PRTG: variants seen among roughly 807,000 people sequenced by gnomAD.
PRTG encodes the protein protogenin.
In PRTG, 67 loss-of-function variants were observed where a neutral mutation model predicts 122.5. The observed-to-expected ratio is 0.55, with a 90% CI of 0.45 to 0.67. PRTG has a LOEUF of 0.67. Among genes scored for constraint, PRTG ranks in the 30% least tolerant of loss-of-function variants. PRTG has a pLI of 0.00. For missense variants in PRTG, 1,435 were observed against 1,415.4 expected (o/e 1.01, Z -0.22); for synonymous variants, 554 against 501.1 (o/e 1.11, Z -1.41).
rs757039143 is a variant in PRTG at position 55,673,595 on chromosome 15, T to C, written c.1628A>G (p.Lys543Arg). ...ILISWLPIPA[K>R]YRRGQVVLYR... ...CAGCACCACTTGGCCCCGCCGATAT[T>C]TGGCTGGGATTGGCAGCCAGGAGAT... is the stretch of plus-strand genomic sequence containing the variant. The change falls in exon 10 of 20, where the codon AAA becomes AGA. Residue 543 changes from lysine (K) to arginine (R), a missense_variant. Physicochemically the swap from Lys to Arg is conservative, Grantham distance 26 (BLOSUM62 2). Coordinates refer to ENST00000389286, the MANE Select transcript of PRTG (RefSeq NM_173814.6). The C allele has an allele frequency of 1.2e-6, 2 of 1,614,076 alleles. No homozygotes were observed. The highest frequency in any genetic ancestry group is 8.5e-7 in the Non-Finnish European group (1 of 1,180,042).
chr15:55,656,346 A>T, intron 11 of PRTG: 1 of 455,888 alleles, frequency 2.2e-6, no homozygotes, highest in South Asian at 1.6e-5. Flanking sequence ...TTTCATTATT[A>T]GATTCGGGCT....
rs572278926 is a variant in PRTG at position 55,643,653 on chromosome 15, C to A, written c.2042-2445G>T. On this transcript the variant is annotated intron_variant, in intron 11 of 19. Transcript: ENST00000389286. ...TGCCCAGGCTGGTGTCCAACTCCTG[C>A]ACTCAAGCTATCTGCCCGCCTTGGC... is the stretch of plus-strand genomic sequence containing the variant. Among the ~76,000 whole-genome samples, 10 of 151,854 alleles carry A rather than the reference C, an allele frequency of 6.6e-5. 1 individual carries two copies. The highest frequency in any genetic ancestry group is 2.2e-4 in the African/African-American group (9 of 41,394).
chr15:55,683,829 G>A lies in PRTG; in HGVS notation c.500C>T (p.Thr167Ile), dbSNP rs764120351. 6.2e-7 allele frequency: 1 copy of A among 1,613,908 alleles called. No homozygotes were observed. ...TAGAGTTGTCCGATTGAACTCCCAT[G>A]TTATGACTGCAGGAGGGTGGGATGA... ...KISSHPPAVI[T>I]WEFNRTTLPM... is the part of the protein sequence containing the mutation. Residue 167 changes from threonine (T) to isoleucine (I), a missense_variant, in exon 3 of 20, where the codon ACA (threonine) becomes ATA (isoleucine). Thr to Ile is a moderately conservative substitution (Grantham distance 89). Coordinates refer to ENST00000389286, the MANE Select transcript of PRTG (RefSeq NM_173814.6).
intron 2 of PRTG, among the ~76,000 whole-genome samples, chr15:55,718,765 CAG>C (rs1239576287): frequency 6.6e-6 from 1 of 151,144 alleles, no homozygotes; most frequent in South Asian, 2.1e-4. Flanking sequence ...TTTTTGGAGA[CAG>C]AGTCTTTCTC....
intron 18 of PRTG, among the ~76,000 whole-genome samples, chr15:55,621,850 T>C (rs113566555): frequency 3.9e-5 from 6 of 152,208 alleles, no homozygotes; most frequent in Non-Finnish European, 8.8e-5. Flanking sequence ...AAAAAGTATA[T>C]AAAGATACAA....
At position 55,735,061 on chromosome 15, in the gene PRTG, AT is replaced by A. The variant is rs1193002825; in HGVS notation, c.397+5320del. Reference sequence around the variant, plus strand: ...CTTATTTACCAAGATTAAAATGATGATTTTTTTAAAGATTTAATGAAGAGTC... The same window carrying A: ...CTTATTTACCAAGATTAAAATGATGATTTTTTAAAGATTTAATGAAGAGTC... On this transcript the variant is annotated intron_variant, in intron 2 of 19. Transcript: ENST00000389286. Among the ~76,000 whole-genome samples the A allele has an allele frequency of 7.2e-5, 11 of 152,306 alleles. 1 individual carries two copies. Among genetic ancestry groups the A allele is most frequent in the African/African-American group, 2.6e-4 (11 of 41,572 alleles).
In PRTG at chr15:55,638,631, T is replaced by C. The variant is rs748450462; in HGVS notation, c.2370A>G (p.Lys790=). The C allele has an allele frequency of 2.7e-5, 44 of 1,613,486 alleles. No individual in the cohort carries two copies. The highest frequency in any genetic ancestry group is 1.0e-5 in the Non-Finnish European group (12 of 1,179,630). ...CATGTAATCGAACGGCAAATTCGTA[T>C]TTGGTGTTTGGTTCTAGACCTTGAA... The part of the protein sequence containing the change: ...MLVQGLEPNT[K]YEFAVRLHVD... The change falls in exon 14 of 20, where the codon AAA becomes AAG. Residue 790 remains lysine (K), a synonymous_variant. Coordinates refer to ENST00000389286, the MANE Select transcript of PRTG (RefSeq NM_173814.6).
Position 55,638,538 on chromosome 15 carries a change from G to A in PRTG, c.2452+11C>T. 2 of 1,590,128 alleles carry A rather than the reference G, an allele frequency of 1.3e-6. No individual in the cohort carries two copies. Among genetic ancestry groups the A allele is most frequent in the Middle Eastern group, 3.4e-4 (2 of 5,960 alleles). On this transcript the variant is annotated intron_variant, in intron 14 of 19. Transcript: ENST00000389286. Reference sequence around the variant, plus strand: ...TTAAAGATAAAATCTATAGGGAGCTGTTTTCTTTACCTTCTGGAAGAGTAG... The same window carrying A: ...TTAAAGATAAAATCTATAGGGAGCTATTTTCTTTACCTTCTGGAAGAGTAG...
chr15:55,659,738 G>A (rs1443765923), intron 11 of PRTG, among the ~76,000 whole-genome samples: 2 of 151,728 alleles, frequency 1.3e-5, no homozygotes, highest in South Asian at 2.1e-4. Flanking sequence ...TGGGCAACAC[G>A]GTGAAACCCC....
At chr15:55,737,054 G>C (rs897966992) in intron 2 of PRTG, among the ~76,000 whole-genome samples, 3 of 152,102 alleles carry the variant, frequency 2.0e-5, no homozygotes, top group Non-Finnish European at 2.9e-5. Context: ...GAAAAGTCAA[G>C]ATAACCATAG....
At chr15:55,721,845 T>C (rs1388559523) in intron 2 of PRTG, among the ~76,000 whole-genome samples, 1 of 152,050 alleles carries the variant, frequency 6.6e-6, no homozygotes, top group African/African-American at 2.4e-5. Flanking sequence ...TATAAAACCA[T>C]CAGATCTCCT....
At chr15:55,736,611 T>C (rs2031420701) in intron 2 of PRTG, among the ~76,000 whole-genome samples, 1 of 152,046 alleles carries the variant, frequency 6.6e-6, no homozygotes, top group African/African-American at 2.4e-5. Flanking sequence ...CTACTACTAC[T>C]TAAAAAGTTA....
intron 2 of PRTG, among the ~76,000 whole-genome samples, chr15:55,736,974 T>C (rs1325564419): frequency 1.3e-5 from 2 of 152,212 alleles, no homozygotes; most frequent in South Asian, 2.1e-4. Flanking sequence ...TGTTGAAACG[T>C]GAGACCATTT....
Position 55,612,697 on chromosome 15 carries a change from A to ATATAT in PRTG, c.*7314_*7315insATATA, listed in dbSNP as rs2059125551. ...TTCTCTCTTTAACTCTTTAAAAGCCAATATATATATATATATATATATATA... is the reference window on the plus strand; with the variant it reads ...TTCTCTCTTTAACTCTTTAAAAGCCATATATATATATATATATATATATATATATA... On this transcript the variant is annotated 3_prime_UTR_variant, in exon 20 of 20. Transcript: ENST00000389286. 5.0e-5 allele frequency: 6 copies of ATATAT among 120,756 alleles called. No homozygotes were observed. The highest frequency in any genetic ancestry group is 2.8e-4 in the African/African-American group (6 of 21,396). The allele number at this position is 120,756 out of a possible 1,614,324, so 7.5% of individuals were successfully genotyped here. A position where few individuals can be genotyped will look rare whatever the true frequency, so the allele number is the denominator to read the frequency against.
At chr15:55,658,316 ATT>A (rs869204396) in intron 11 of PRTG, among the ~76,000 whole-genome samples, 4 of 147,270 alleles carry the variant, frequency 2.7e-5, no homozygotes, top group Non-Finnish European at 1.5e-5. Flanking sequence ...TATTGTTTTT[ATT>A]TTTTTTTTTT....
intron 2 of PRTG, among the ~76,000 whole-genome samples, chr15:55,728,698 T>G (rs543329412): frequency 6.6e-6 from 1 of 152,288 alleles, no homozygotes; most frequent in East Asian, 1.9e-4. Context: ...AAAAAGACAA[T>G]GATCTCTGCT....
intron 16 of PRTG, among the ~76,000 whole-genome samples, chr15:55,628,362 A>G (rs573224192): frequency 6.9e-6 from 1 of 145,846 alleles, no homozygotes. Context: ...ATTTTTTCCA[A>G]TTGCTTTTCT....
rs1431069379 is a variant in PRTG at position 55,680,062 on chromosome 15, G to A, written c.965C>T (p.Thr322Ile). The change falls in exon 6 of 20, where the codon ACT becomes ATT. Residue 322 changes from threonine to isoleucine, a missense_variant. Physicochemically the swap from Thr to Ile is moderately conservative, Grantham distance 89. Coordinates refer to ENST00000389286, the MANE Select transcript of PRTG (RefSeq NM_173814.6). The stretch of plus-strand genomic sequence containing the variant: ...GAATGAAAGGAACATACCTAATACA[G>A]TTAAAGTTGCCATAGCAACTGTAAA... ...RNFTVAMATL[T>I]VLAPPSFVEW... is the part of the protein sequence containing the mutation. 1 of 1,613,196 alleles carries A rather than the reference G, an allele frequency of 6.2e-7. No individual in the cohort carries two copies. Among genetic ancestry groups the A allele is most frequent in the South Asian group, 1.1e-5 (1 of 91,012 alleles).
At chr15:55,635,172 A>G (rs1183188577) in intron 15 of PRTG, among the ~76,000 whole-genome samples, 1 of 151,302 alleles carries the variant, frequency 6.6e-6, no homozygotes, top group Non-Finnish European at 1.5e-5. Flanking sequence ...GCTCACTGCA[A>G]CCTCTGCCTC....
Sources: allele counts gnomAD v4.1 joint callset (sites outside exome capture counted in the v4.1 genomes callset), GRCh38; gene constraint gnomAD v4.1.1; transcripts MANE v1.5; gene names NCBI Gene and HGNC (gene_info 2026-07-23, HGNC 2026-07-21).